The following LMX1A variants were observed in gnomAD, a reference collection of about 807,000 sequenced individuals.
LMX1A encodes LIM homeobox transcription factor 1-alpha.
A neutral mutation model predicts 49.1 loss-of-function variants in LMX1A; 15 were observed. The ratio of observed to expected loss-of-function variants is 0.31; its 90% confidence interval spans 0.20 to 0.47. The LOEUF (loss-of-function observed/expected upper bound fraction) is 0.47, where lower values mean the gene tolerates loss of function less well. Ranked by LOEUF, LMX1A falls within the 20% of genes least tolerant of loss-of-function variation. The pLI, the probability that LMX1A is intolerant of heterozygous loss-of-function variation, is 1.00. For missense variants in LMX1A, 372 were observed against 475.8 expected (o/e 0.78, Z 2.03); for synonymous variants, 167 against 185.7 (o/e 0.90, Z 0.82).
intron 3 of LMX1A, among the ~76,000 whole-genome samples, chr1:165,263,531 C>A (rs986426222): frequency 2.0e-5 from 3 of 152,214 alleles, no homozygotes; most frequent in Non-Finnish European, 4.4e-5. Flanking sequence ...AGTCATTTTG[C>A]ATTATCTCAC....
chr1:165,243,422 A>G (rs951958993), intron 4 of LMX1A, among the ~76,000 whole-genome samples: 1 of 152,206 alleles, frequency 6.6e-6, no homozygotes, highest in East Asian at 1.9e-4. Context: ...ACAGAACATA[A>G]TATCTATGAC....
Position 165,206,023 on chromosome 1 carries a change from C to A in LMX1A, c.829G>T (p.Gly277Cys). 1.9e-6 allele frequency: 3 copies of A among 1,562,084 alleles called. No individual in the cohort carries two copies. Among genetic ancestry groups the A allele is most frequent in the Non-Finnish European group, 1.7e-6 (2 of 1,155,036 alleles). ...TQRLSSAQTN[G>C]GGSAGMEGIM... is the part of the protein sequence containing the mutation. ...CCTTCCATCCCAGCACTCCCACCAC[C>A]GTTTGTCTGAGCTGTGGAACAAAGA... The change falls in exon 8 of 9, where the codon GGT (glycine) becomes TGT (cysteine). Residue 277 changes from glycine to cysteine, a missense_variant. Gly to Cys is a radical substitution (Grantham distance 159). This residue lies in a region of LMX1A where 127 missense variants were observed against 138.0 expected (regional missense o/e 0.92). Transcript: ENST00000342310.
chr1:165,318,869 T>C (rs1655295527), intron 3 of LMX1A, among the ~76,000 whole-genome samples: 1 of 152,174 alleles, frequency 6.6e-6, no homozygotes. Flanking sequence ...ACCATCTCTG[T>C]ACTGCCTATC....
At chr1:165,300,718 C>T (rs16842265) in intron 3 of LMX1A, among the ~76,000 whole-genome samples, 3,838 of 152,314 alleles carry the variant, frequency 0.025, 154 homozygotes, top group African/African-American at 0.081. Context: ...ATTTGCATCA[C>T]CTTTGCTCAG....
At chr1:165,305,099 G>A (rs149814117) in intron 3 of LMX1A, among the ~76,000 whole-genome samples, 7 of 152,264 alleles carry the variant, frequency 4.6e-5, no homozygotes, top group Admixed American at 2.0e-4. Context: ...TCTCTCTTGC[G>A]TGTGTATGTC....
intron 3 of LMX1A, among the ~76,000 whole-genome samples, chr1:165,320,597 C>T (rs981117213): frequency 6.6e-6 from 1 of 152,192 alleles, no homozygotes; most frequent in African/African-American, 2.4e-5. Context: ...CATCTCAAAC[C>T]TAAAAGAGAC....
In LMX1A at chr1:165,355,798, T is replaced by C; in HGVS notation, c.-22-217A>G. 1.8e-6 allele frequency: 1 copy of C among 556,332 alleles called. No individual in the cohort carries two copies. The highest frequency in any genetic ancestry group is 2.3e-5 in the South Asian group (1 of 43,400). The allele number at this position is 556,332 out of a possible 1,614,324, so 34.5% of individuals were successfully genotyped here. ...GATTTCACTTGAAGTCAACACGTTA[T>C]GTACTTAGGCCTCCGCCCCCCAACT... On this transcript the variant is annotated intron_variant, in intron 1 of 8. Coordinates refer to ENST00000342310, the MANE Select transcript of LMX1A (RefSeq NM_177398.4). This position sits in a 1 kb window ranked among gnomAD's most constrained non-coding sequence, Gnocchi z 4.7.
At chr1:165,271,661 A>C (rs1479575319) in intron 3 of LMX1A, among the ~76,000 whole-genome samples, 1 of 152,122 alleles carries the variant, frequency 6.6e-6, no homozygotes, top group Admixed American at 6.5e-5. Context: ...ACAGTCACCA[A>C]GGCTAGAGGA....
chr1:165,312,765 A>C (rs113465724), intron 3 of LMX1A, among the ~76,000 whole-genome samples: 1 of 152,246 alleles, frequency 6.6e-6, no homozygotes, highest in African/African-American at 2.4e-5. Flanking sequence ...CGCCTGCAGC[A>C]GACACTGTAC....
chr1:165,269,077 T>C (rs1174344543), intron 3 of LMX1A, among the ~76,000 whole-genome samples: 1 of 152,184 alleles, frequency 6.6e-6, no homozygotes, highest in Non-Finnish European at 1.5e-5. Flanking sequence ...GGATTTCCTG[T>C]TTCACCACTT....
At position 165,208,111 on chromosome 1, in the gene LMX1A, G is replaced by C. The variant is rs760445828; in HGVS notation, c.769C>G (p.Gln257Glu). Residue 257 changes from glutamine to glutamate, a missense_variant, in exon 7 of 9, where the codon CAG becomes GAG. Physicochemically the swap from Gln to Glu is conservative, Grantham distance 29. Transcript: ENST00000342310. ...TGCTGATCTTGCTGCTGCTGCTGCT[G>C]TCGCCTGGCCAGCTTCTTCATCTGA... ...RAKMKKLARR[Q>E]QQQQQDQQNT... The C allele has an allele frequency of 7.4e-6, 12 of 1,614,020 alleles. No homozygotes were observed. The highest frequency in any genetic ancestry group is 5.0e-5 in the Admixed American group (3 of 60,018).
chr1:165,299,965 T>C (rs1345253970), intron 3 of LMX1A, among the ~76,000 whole-genome samples: 1 of 152,146 alleles, frequency 6.6e-6, no homozygotes, highest in Non-Finnish European at 1.5e-5. Flanking sequence ...AGTACGACTA[T>C]AGGGTCACTG....
At chr1:165,308,566 T>G (rs1047483116) in intron 3 of LMX1A, among the ~76,000 whole-genome samples, 2 of 152,222 alleles carry the variant, frequency 1.3e-5, no homozygotes, top group Non-Finnish European at 2.9e-5. Flanking sequence ...TACTTGGTGA[T>G]TCGCACTTTC....
intron 5 of LMX1A, among the ~76,000 whole-genome samples, chr1:165,212,446 G>A (rs1236068373): frequency 6.6e-6 from 1 of 152,064 alleles, no homozygotes; most frequent in African/African-American, 2.4e-5. Context: ...CACCCAGCTG[G>A]GCCACAGCCA....
Position 165,209,856 on chromosome 1 carries a change from C to G in LMX1A, c.747+843G>C, listed in dbSNP as rs766946286. Reference sequence around the variant, plus strand: ...TTGATCCGAAGCATAGGTAAAACCACCTGGAGCTTGCAATTGGCATTTGAA... The same window carrying G: ...TTGATCCGAAGCATAGGTAAAACCAGCTGGAGCTTGCAATTGGCATTTGAA... On this transcript the variant is annotated intron_variant, in intron 6 of 8. Transcript: ENST00000342310. 7.9e-5 allele frequency among the ~76,000 whole-genome samples: 12 copies of G among 152,300 alleles called. 1 individual carries two copies. Among genetic ancestry groups the G allele is most frequent in the Admixed American group, 7.2e-4 (11 of 15,300 alleles).
At chr1:165,307,724 C>A (rs1172698743) in intron 3 of LMX1A, among the ~76,000 whole-genome samples, 1 of 152,172 alleles carries the variant, frequency 6.6e-6, no homozygotes, top group East Asian at 1.9e-4. Context: ...TCTGCACATA[C>A]CTCCAGGGAA....
At chr1:165,284,213 T>C (rs1654237775) in intron 3 of LMX1A, among the ~76,000 whole-genome samples, 1 of 152,222 alleles carries the variant, frequency 6.6e-6, no homozygotes, top group African/African-American at 2.4e-5. Context: ...CAGGGCTGTC[T>C]TGAGGAACAA....
At chr1:165,327,635 C>T (rs1343565244) in intron 3 of LMX1A, among the ~76,000 whole-genome samples, 1 of 152,224 alleles carries the variant, frequency 6.6e-6, no homozygotes, top group South Asian at 2.1e-4. Context: ...CTGACAGCCT[C>T]AGGTTTCTCG....
At chr1:165,352,363 G>C (rs981471466) in intron 3 of LMX1A, among the ~76,000 whole-genome samples, 3 of 152,204 alleles carry the variant, frequency 2.0e-5, no homozygotes, top group African/African-American at 7.2e-5. Context: ...ACCCACACCT[G>C]AACTAGGATG....
Sources: allele counts gnomAD v4.1 joint callset (sites outside exome capture counted in the v4.1 genomes callset), GRCh38; gene constraint gnomAD v4.1.1; regional missense constraint gnomAD v4.1.1; non-coding constraint Gnocchi (gnomAD v3.1); transcripts MANE v1.5; gene names NCBI Gene and HGNC (gene_info 2026-07-23, HGNC 2026-07-21).